The following CYSLTR1 variants were observed in gnomAD, a reference collection of about 807,000 sequenced individuals.
The protein encoded by CYSLTR1 is cysteinyl leukotriene receptor 1.
CYSLTR1 carries 1 observed loss-of-function variant against 2.1 expected under a neutral mutation model. The ratio of observed to expected loss-of-function variants is 0.48; its 90% confidence interval spans 0.17 to 2.28. CYSLTR1 has a LOEUF of 2.28. Among genes scored for constraint, CYSLTR1 ranks in the 30% most tolerant of loss-of-function variants. The probability of loss-of-function intolerance (pLI) is 0.26; values close to 1 mark genes in which losing one functional copy is unlikely to be tolerated. For synonymous variants in CYSLTR1, 110 were observed against 89.6 expected, an observed-to-expected ratio of 1.23 and a Z score of -1.28; for missense variants, 299 against 250.1, an observed-to-expected ratio of 1.20 and a Z score of -1.32.
intron 1 of CYSLTR1, 36 bp from the exon 2 acceptor site, chrX:78,283,576 G>GT (rs746049318): frequency 6.2e-5 from 7 of 112,264 alleles, no homozygotes; most frequent in Non-Finnish European, 1.3e-4. Context: ...GTTAACAACT[G>GT]TAGAAGCAGT....
intron 1 of CYSLTR1, among the ~76,000 whole-genome samples, chrX:78,298,727 CT>C (rs1922685142): frequency 9.0e-6 from 1 of 111,102 alleles, no homozygotes; most frequent in South Asian, 3.7e-4. Flanking sequence ...CATGGAATGT[CT>C]TTTTTCCATA....
intron 1 of CYSLTR1, among the ~76,000 whole-genome samples, chrX:78,302,592 C>G (rs991468409): frequency 9.0e-6 from 1 of 111,094 alleles, no homozygotes; most frequent in Non-Finnish European, 1.9e-5. Flanking sequence ...CTGTGTATTA[C>G]TGCTGGTTAT....
intron 1 of CYSLTR1, among the ~76,000 whole-genome samples, chrX:78,290,199 C>G (rs1450942607): frequency 1.8e-5 from 2 of 112,003 alleles, no homozygotes; most frequent in African/African-American, 6.5e-5. Flanking sequence ...GTTTTCCCAG[C>G]ACCATTTATT....
intron 1 of CYSLTR1, among the ~76,000 whole-genome samples, chrX:78,295,293 G>A (rs1165632966): frequency 9.1e-6 from 1 of 109,338 alleles, no homozygotes; most frequent in African/African-American, 3.3e-5. Flanking sequence ...GGACCTTTAG[G>A]TTGTTCCCAG....
In CYSLTR1 at chrX:78,273,052, A is replaced by G; in HGVS notation, c.695T>C (p.Ile232Thr). The change falls in exon 3 of 3, where the codon ATA (isoleucine) becomes ACA (threonine). Residue 232 changes from isoleucine to threonine, a missense_variant. Ile to Thr is a moderately conservative substitution (Grantham distance 89). Transcript: ENST00000373304. ...AGCGGTCACGACCATGATCATTCCTATAGCCTTTTTATGACTTGACAGATT... is the reference window on the plus strand; with the variant it reads ...AGCGGTCACGACCATGATCATTCCTGTAGCCTTTTTATGACTTGACAGATT... ...KKNLSSHKKA[I>T]GMIMVVTAAF... is the part of the protein sequence containing the mutation. 1 of 1,211,319 alleles carries G rather than the reference A, an allele frequency of 8.3e-7. No individual in the cohort carries two copies. Among genetic ancestry groups the G allele is most frequent in the East Asian group, 3.0e-5 (1 of 33,864 alleles).
intron 1 of CYSLTR1, among the ~76,000 whole-genome samples, chrX:78,303,907 C>G (rs1922927393): frequency 9.0e-6 from 1 of 111,578 alleles, no homozygotes; most frequent in East Asian, 2.8e-4. Context: ...TTCTAACCTA[C>G]CATACTATAA....
rs142993207 is a variant in CYSLTR1 at position 78,272,838 on chromosome X, C to T, written c.909G>A (p.Arg303=). 6.9e-5 allele frequency: 84 copies of T among 1,208,742 alleles called. No homozygotes were observed. The African/African-American group carries it at 1.2e-3, about 17-fold the overall frequency. ...GCTTTCTGAATGTAGACAGCCTTTT[C>T]CTAAAGTTACCCCCAGAAAAGAAAT... ...LLYFFSGGNF[R]KRLSTFRKHS... The change falls in exon 3 of 3, where the codon AGG becomes AGA. Residue 303 remains arginine, a synonymous_variant. Coordinates refer to ENST00000373304, the MANE Select transcript of CYSLTR1 (RefSeq NM_006639.4).
At chrX:78,279,246 C>T (rs888985210) in intron 2 of CYSLTR1, among the ~76,000 whole-genome samples, 2 of 110,697 alleles carry the variant, frequency 1.8e-5, no homozygotes, top group Non-Finnish European at 3.8e-5. Context: ...CTATAAGAAA[C>T]TTAAATCAAC....
intron 1 of CYSLTR1, among the ~76,000 whole-genome samples, chrX:78,286,494 T>A (rs987650380): frequency 4.2e-4 from 47 of 110,941 alleles, no homozygotes; most frequent in Admixed American, 4.8e-4. Flanking sequence ...AACTTTTATT[T>A]TATTTTATTT....
intron 1 of CYSLTR1, among the ~76,000 whole-genome samples, chrX:78,305,258 G>A (rs780235480): frequency 1.9e-4 from 21 of 112,172 alleles, no homozygotes; most frequent in Admixed American, 3.8e-4. Context: ...CCAACAAAGT[G>A]CAATAAATAA....
At chrX:78,296,536 A>T (rs187471335) in intron 1 of CYSLTR1, among the ~76,000 whole-genome samples, 1 of 112,002 alleles carries the variant, frequency 8.9e-6, no homozygotes, top group African/African-American at 3.2e-5. Flanking sequence ...TGAAAACGAA[A>T]TATCTTTCTA....
chrX:78,300,472 G>A (rs1475264057), intron 1 of CYSLTR1, among the ~76,000 whole-genome samples: 3 of 112,881 alleles, frequency 2.7e-5, no homozygotes, highest in African/African-American at 9.7e-5. Flanking sequence ...GAGCACTTGG[G>A]TGTTGAAATC....
chrX:78,276,066 C>T (rs776873940), intron 2 of CYSLTR1, among the ~76,000 whole-genome samples: 2 of 112,192 alleles, frequency 1.8e-5, no homozygotes, highest in African/African-American at 6.5e-5. Context: ...GTGAGAAAAA[C>T]GTTGTAGCCA....
chrX:78,316,044 G>A (rs749028442), intron 1 of CYSLTR1, among the ~76,000 whole-genome samples: 1 of 112,621 alleles, frequency 8.9e-6, no homozygotes, highest in South Asian at 3.7e-4. Context: ...GGTGGTTCAC[G>A]ATGGAGAGAC....
chrX:78,279,930 C>T (rs1360155997), intron 2 of CYSLTR1, among the ~76,000 whole-genome samples: 1 of 111,253 alleles, frequency 9.0e-6, no homozygotes, highest in African/African-American at 3.3e-5. Context: ...GAACAGTATA[C>T]ATTGGAGACT....
Position 78,273,570 on chromosome X carries a change from T to G in CYSLTR1, c.177A>C (p.Gln59His), listed in dbSNP as rs200175802. 1 of 1,211,551 alleles carries G rather than the reference T, an allele frequency of 8.3e-7. No individual in the cohort carries two copies. The highest frequency in any genetic ancestry group is 1.1e-6 in the Non-Finnish European group (1 of 895,477). Residue 59 changes from glutamine (Q) to histidine (H), a missense_variant, in exon 3 of 3, where the codon CAA becomes CAC. Physicochemically the swap from Gln to His is conservative, Grantham distance 24. Transcript: ENST00000373304. Reference protein sequence around the residue: ...IKTYHKKSAFQVYMINLAVAD... With the variant: ...IKTYHKKSAFHVYMINLAVAD... ...CTACTGCTAAATTAATCATGTATACTTGGAAGGCTGACTTCTTGTGATAGG... is the reference window on the plus strand; with the variant it reads ...CTACTGCTAAATTAATCATGTATACGTGGAAGGCTGACTTCTTGTGATAGG...
intron 2 of CYSLTR1, among the ~76,000 whole-genome samples, chrX:78,280,527 G>A (rs1013657528): frequency 1.0e-5 from 1 of 98,727 alleles, no homozygotes; most frequent in Non-Finnish European, 2.0e-5. Context: ...GTGTGTGTTG[G>A]GGGGGGGGTA....
intron 1 of CYSLTR1, among the ~76,000 whole-genome samples, chrX:78,324,252 G>C (rs1414005169): frequency 8.9e-6 from 1 of 112,393 alleles, no homozygotes; most frequent in East Asian, 2.8e-4. Context: ...TAAGATGTCT[G>C]GATTTATCTA....
intron 1 of CYSLTR1, among the ~76,000 whole-genome samples, chrX:78,305,771 C>A (rs138575413): frequency 8.9e-6 from 1 of 112,819 alleles, no homozygotes; most frequent in South Asian, 3.6e-4. Context: ...CTTAGCATAA[C>A]GCCCTCAAGG....
Sources: allele counts gnomAD v4.1 joint callset (sites outside exome capture counted in the v4.1 genomes callset), GRCh38; gene constraint gnomAD v4.1.1; transcripts MANE v1.5; gene names NCBI Gene and HGNC (gene_info 2026-07-23, HGNC 2026-07-21).